UST: variants seen among roughly 807,000 people sequenced by gnomAD.
UST encodes the protein chondroitin sulfate 2-O-sulfotransferase.
A neutral mutation model predicts 45.6 loss-of-function variants in UST; 21 were observed. The observed-to-expected ratio is 0.46, with a 90% confidence interval of 0.33 to 0.66. The LOEUF (loss-of-function observed/expected upper bound fraction) is 0.66, where lower values mean the gene tolerates loss of function less well. Among genes scored for constraint, UST ranks in the 30% least tolerant of loss-of-function variants. The pLI is 0.02. For missense variants in UST, 463 were observed against 512.4 expected, an observed-to-expected ratio of 0.90 and a Z score of 0.93; for synonymous variants, 215 against 200.6, an observed-to-expected ratio of 1.07 and a Z score of -0.61.
intron 1 of UST, among the ~76,000 whole-genome samples, chr6:148,878,278 A>AGATCGTGTATGAGTG (rs1778743249): frequency 3.9e-5 from 1 of 25,376 alleles, no homozygotes; most frequent in Non-Finnish European, 6.9e-5. Flanking sequence ...GTGTATGAGT[A>AGATCGTGTATGAGTG]CGGGGGATCA....
At chr6:148,788,356 C>T (rs34164466) in intron 1 of UST, among the ~76,000 whole-genome samples, 33,364 of 151,548 alleles carry the variant, frequency 0.22, 4,966 homozygotes, top group African/African-American at 0.42. Context: ...TATATATATA[C>T]ACACACACAC....
At chr6:148,801,771 C>A (rs1158246256) in intron 1 of UST, among the ~76,000 whole-genome samples, 1 of 152,150 alleles carries the variant, frequency 6.6e-6, no homozygotes, top group Admixed American at 6.5e-5. Flanking sequence ...TCTCTCTGAG[C>A]CCAACCAAGC....
chr6:148,789,453 TCACACACA>T (rs58763326), intron 1 of UST, among the ~76,000 whole-genome samples: 3,168 of 134,290 alleles, frequency 0.024, 48 homozygotes, highest in African/African-American at 0.036. Context: ...TCTCTCTCTC[TCACACACA>T]CACACACACA....
intron 1 of UST, among the ~76,000 whole-genome samples, chr6:148,875,774 C>T (rs1428708389): frequency 6.6e-6 from 1 of 152,180 alleles, no homozygotes; most frequent in East Asian, 1.9e-4. Context: ...ACTGCGCTCC[C>T]GCTTCGGCGA....
At chr6:148,835,112 A>G (rs1457070466) in intron 1 of UST, among the ~76,000 whole-genome samples, 1 of 152,178 alleles carries the variant, frequency 6.6e-6, no homozygotes, top group East Asian at 1.9e-4. Flanking sequence ...CAGTCAACCA[A>G]TGATCAAAAA....
chr6:148,963,376 T>TG (rs1258108921), intron 4 of UST, among the ~76,000 whole-genome samples: 1 of 152,160 alleles, frequency 6.6e-6, no homozygotes, highest in Non-Finnish European at 1.5e-5. Context: ...GCCCAGAGAC[T>TG]GGGGCACTCT....
intron 1 of UST, among the ~76,000 whole-genome samples, chr6:148,832,821 C>A (rs1261264712): frequency 2.6e-5 from 4 of 152,266 alleles, no homozygotes; most frequent in African/African-American, 7.2e-5. Context: ...GGTAAGGACT[C>A]AAAACTCCTG....
rs1197062104 is a variant in UST at position 148,977,771 on chromosome 6, A to G, written c.681+13208A>G. 2.5e-3 allele frequency among the ~76,000 whole-genome samples: 323 copies of G among 131,382 alleles called. 1 individual carries two copies. The highest frequency in any genetic ancestry group is 8.9e-3 in the Admixed American group (115 of 12,880). 86.2% of individuals were successfully genotyped at this position (131,382 alleles called of 152,430 possible). A position where few individuals can be genotyped will look rare whatever the true frequency, so the allele number is the denominator to read the frequency against. ...TGTCTCAAAAAAAAAAAAAAAAAAA[A>G]GAAAAGAAAATCAGCTTGTTCAGCC... On this transcript the variant is annotated intron_variant, in intron 5 of 7. Coordinates refer to ENST00000367463, the MANE Select transcript of UST (RefSeq NM_005715.3).
intron 7 of UST, among the ~76,000 whole-genome samples, chr6:149,025,662 A>AT (rs933526922): frequency 6.6e-6 from 1 of 152,166 alleles, no homozygotes; most frequent in Non-Finnish European, 1.5e-5. Flanking sequence ...ATACATAATT[A>AT]TTTTTTATTG....
chr6:148,908,412 A>C (rs1779408777), intron 2 of UST, among the ~76,000 whole-genome samples: 1 of 152,216 alleles, frequency 6.6e-6, no homozygotes, highest in Non-Finnish European at 1.5e-5. Flanking sequence ...CAGTTAGTAC[A>C]TTAGCGAAGT....
At chr6:148,970,822 A>G (rs555248355) in intron 5 of UST, among the ~76,000 whole-genome samples, 1 of 152,096 alleles carries the variant, frequency 6.6e-6, no homozygotes, top group South Asian at 2.1e-4. Flanking sequence ...CTCTCCTTCT[A>G]CCATCTCATT....
intron 5 of UST, among the ~76,000 whole-genome samples, chr6:148,971,991 G>A (rs536020083): frequency 6.6e-6 from 1 of 152,324 alleles, no homozygotes; most frequent in East Asian, 1.9e-4. Flanking sequence ...CATCAACCAT[G>A]TGCAAAGAGC....
intron 1 of UST, among the ~76,000 whole-genome samples, chr6:148,839,441 A>G (rs1777850955): frequency 6.6e-6 from 1 of 152,226 alleles, no homozygotes; most frequent in African/African-American, 2.4e-5. Flanking sequence ...TGTTTTATAT[A>G]GAATGAGGTT....
Position 149,057,901 on chromosome 6 carries a change from T to C in UST, c.938-15932T>C, listed in dbSNP as rs1191977088. 2.6e-5 allele frequency among the ~76,000 whole-genome samples: 4 copies of C among 152,242 alleles called. No homozygotes were observed. The East Asian group carries it at 7.7e-4, about 29-fold the overall frequency. ...AAGTTATTTTATATTCTTGTTTTCC[T>C]AAGTTTCCTAAAAACTTTACTATGT... is the stretch of plus-strand genomic sequence containing the variant. On this transcript the variant is annotated intron_variant, in intron 7 of 7. Transcript: ENST00000367463.
chr6:148,955,065 A>G (rs944763358), intron 4 of UST, among the ~76,000 whole-genome samples: 2 of 152,236 alleles, frequency 1.3e-5, no homozygotes, highest in Non-Finnish European at 2.9e-5. Flanking sequence ...CCAGCCTGGG[A>G]ACCTCCGGGC....
chr6:148,880,888 G>T (rs991345112), intron 1 of UST, among the ~76,000 whole-genome samples: 1 of 152,118 alleles, frequency 6.6e-6, no homozygotes, highest in Admixed American at 6.5e-5. Context: ...AGTTAGCTGG[G>T]TGTGGTGGTG....
chr6:148,813,091 A>C (rs1165830598), intron 1 of UST, among the ~76,000 whole-genome samples: 2 of 152,188 alleles, frequency 1.3e-5, no homozygotes, highest in African/African-American at 4.8e-5. Context: ...TTTACATTGT[A>C]AGATTTTCTT....
At chr6:148,788,925 T>C (rs1255234883) in intron 1 of UST, among the ~76,000 whole-genome samples, 1 of 152,230 alleles carries the variant, frequency 6.6e-6, no homozygotes, top group Non-Finnish European at 1.5e-5. Flanking sequence ...CATTTTCACA[T>C]GGAATAATAT....
In UST at chr6:148,901,601, T is replaced by C. The variant is rs112813829; in HGVS notation, c.291+14572T>C. Reference sequence around the variant, plus strand: ...AGACAGAGTTTTGCTCTTGTCACCCTGACTGGAGTGCAATGGTGTGATCTT... The same window carrying C: ...AGACAGAGTTTTGCTCTTGTCACCCCGACTGGAGTGCAATGGTGTGATCTT... On this transcript the variant is annotated intron_variant, in intron 2 of 7. Transcript: ENST00000367463. 6.1e-3 allele frequency among the ~76,000 whole-genome samples: 908 copies of C among 148,818 alleles called. 9 individuals are homozygous for C. Among genetic ancestry groups the C allele is most frequent in the Middle Eastern group, 0.032 (9 of 278 alleles).
Sources: gnomAD v4.1 joint callset for allele counts (sites outside exome capture counted in the v4.1 genomes callset) on GRCh38, gnomAD v4.1.1 for gene constraint, MANE v1.5 for transcripts, NCBI Gene and HGNC (gene_info 2026-07-23, HGNC 2026-07-21) for gene names.